RASSF3: variants seen among roughly 807,000 people sequenced by gnomAD.
The protein encoded by RASSF3 is Ras association domain family member 3.
A neutral mutation model predicts 19.9 loss-of-function variants in RASSF3; 19 were observed. That is an observed-to-expected ratio of 0.96 (90% CI 0.67 to 1.40). The LOEUF (loss-of-function observed/expected upper bound fraction) is 1.40. Among genes scored for constraint, RASSF3 ranks in the 40% most tolerant of loss-of-function variants. RASSF3 has a pLI of 0.00. For synonymous variants in RASSF3, 110 were observed against 104.2 expected (o/e 1.06, Z -0.34); for missense variants, 306 against 289.8 (o/e 1.06, Z -0.41).
At chr12:64,632,434 G>A (rs1147106) in intron 1 of RASSF3, among the ~76,000 whole-genome samples, 120,414 of 152,004 alleles carry the variant, frequency 0.79, 48,081 homozygotes, top group African/African-American at 0.86. Context: ...AGGGCAAGAG[G>A]GGTAGGGATA....
chr12:64,582,218 G>T (rs772799796), intron 2 of RASSF3, among the ~76,000 whole-genome samples: 11 of 152,140 alleles, frequency 7.2e-5, no homozygotes, highest in Non-Finnish European at 1.3e-4. Flanking sequence ...CTAACCAAAA[G>T]ATTAGGGTCT....
At chr12:64,629,146 A>G (rs1006528151) in intron 1 of RASSF3, among the ~76,000 whole-genome samples, 6 of 151,180 alleles carry the variant, frequency 4.0e-5, no homozygotes, top group African/African-American at 1.5e-4. Flanking sequence ...TCTGTCGTCC[A>G]GGCTGGAGTA....
chr12:64,680,002 C>T (rs546420588), intron 1 of RASSF3, among the ~76,000 whole-genome samples: 4 of 152,266 alleles, frequency 2.6e-5, no homozygotes, highest in South Asian at 2.1e-4. Context: ...ATTCCACGTC[C>T]GCTGCACCAT....
intron 1 of RASSF3, among the ~76,000 whole-genome samples, chr12:64,519,851 T>A (rs1868432151): frequency 6.6e-6 from 1 of 152,232 alleles, no homozygotes; most frequent in East Asian, 1.9e-4. Context: ...TGTATTTATA[T>A]ATATAAGCTC....
chr12:64,589,026 C>T (rs1869867420), intron 2 of RASSF3, among the ~76,000 whole-genome samples: 1 of 152,092 alleles, frequency 6.6e-6, no homozygotes, highest in South Asian at 2.1e-4. Flanking sequence ...TATAAGAAAA[C>T]CTGAAGGAAA....
chr12:64,628,910 C>T (rs1336653011), intron 1 of RASSF3, among the ~76,000 whole-genome samples: 2 of 151,800 alleles, frequency 1.3e-5, no homozygotes, highest in African/African-American at 4.8e-5. Flanking sequence ...ATGCCAGAGT[C>T]AGTTGTCTAA....
upstream of RASSF3, among the ~76,000 whole-genome samples, chr12:64,608,632 T>C (rs1870236343): frequency 6.6e-6 from 1 of 152,234 alleles, no homozygotes; most frequent in Admixed American, 6.5e-5. Flanking sequence ...CCTCAAAGTA[T>C]TCATAAACTT....
chr12:64,520,619 A>G lies in RASSF3; in HGVS notation c.169+13290A>G, dbSNP rs1286582321. 2.8e-5 allele frequency among the ~76,000 whole-genome samples: 4 copies of G among 145,042 alleles called. No homozygotes were observed. In the South Asian group the frequency reaches 6.6e-4, roughly 24 times the overall value. ...ATGCACATATATGTTGTAGGTTCCC[A>G]GACTGGAAACCTAGAAATATGTATT... On this transcript the variant is annotated intron_variant, in intron 1 of 5. Transcript: ENST00000637125.
intron 2 of RASSF3, among the ~76,000 whole-genome samples, chr12:64,548,623 G>C (rs1869108683): frequency 6.6e-6 from 1 of 152,168 alleles, no homozygotes; most frequent in South Asian, 2.1e-4. Context: ...TATCGGTCAA[G>C]AGTTTTAATA....
chr12:64,695,156 G>A lies in RASSF3; in HGVS notation c.*244G>A, dbSNP rs1363721544. ...CCTCTTGGCAAGCTGTGAACCTGTC[G>A]CCTCATCAGGAGCATTCGAGGGTGC... is the stretch of plus-strand genomic sequence containing the variant. On this transcript the variant is annotated 3_prime_UTR_variant, in exon 5 of 5. Transcript: ENST00000542104. The A allele has an allele frequency of 1.6e-5, 7 of 427,022 alleles. No individual in the cohort carries two copies. Among genetic ancestry groups the A allele is most frequent in the African/African-American group, 7.8e-5 (4 of 51,340 alleles). The allele number at this position is 427,022 out of a possible 1,614,324, so 26.5% of individuals were successfully genotyped here.
chr12:64,588,876 A>T (rs1869863401), intron 2 of RASSF3, among the ~76,000 whole-genome samples: 1 of 152,178 alleles, frequency 6.6e-6, no homozygotes, highest in African/African-American at 2.4e-5. Flanking sequence ...TATAATAGAA[A>T]CACATAAAGA....
intron 1 of RASSF3, among the ~76,000 whole-genome samples, chr12:64,518,989 T>C (rs879074764): frequency 1.3e-3 from 194 of 152,172 alleles, no homozygotes; most frequent in African/African-American, 4.5e-3. Flanking sequence ...TACTGGCAGG[T>C]TCATTACTTT....
intron 1 of RASSF3, among the ~76,000 whole-genome samples, chr12:64,684,492 G>C (rs185150720): frequency 8.0e-5 from 12 of 149,754 alleles, no homozygotes; most frequent in African/African-American, 3.0e-4. Flanking sequence ...GTGCAATGGC[G>C]TGATCTCAGC....
rs1244824310 is a variant in RASSF3 at position 64,589,067 on chromosome 12, T to C, written c.294+47362T>C. 2.0e-5 allele frequency among the ~76,000 whole-genome samples: 3 copies of C among 152,188 alleles called. No homozygotes were observed. In the East Asian group the frequency reaches 5.8e-4, roughly 29 times the overall value. On this transcript the variant is annotated intron_variant, in intron 2 of 5. Transcript: ENST00000637125. ...CCTTTTGAAAAATAAAACAAAGTATTCAAATAACACCAAATATGCTACATA... is the reference window on the plus strand; with the variant it reads ...CCTTTTGAAAAATAAAACAAAGTATCCAAATAACACCAAATATGCTACATA...
At chr12:64,586,323 CAAA>C (rs772277001) in intron 2 of RASSF3, among the ~76,000 whole-genome samples, 9 of 115,584 alleles carry the variant, frequency 7.8e-5, no homozygotes, top group Admixed American at 9.2e-5. Flanking sequence ...GACTCTGTGT[CAAA>C]AAAAAAAAAA....
chr12:64,529,190 T>G (rs1019333479), upstream of RASSF3, among the ~76,000 whole-genome samples: 4 of 152,230 alleles, frequency 2.6e-5, no homozygotes, highest in African/African-American at 9.6e-5. Context: ...TCTTTTCTAA[T>G]CATGTGAGTC....
chr12:64,663,840 CTTTTTTTTTTTT>C (rs34450092), intron 1 of RASSF3, among the ~76,000 whole-genome samples: 2 of 73,082 alleles, frequency 2.7e-5, no homozygotes, highest in Non-Finnish European at 5.5e-5. Context: ...TTAGCCTTGC[CTTTTTTTTTTTT>C]TTTTTTTTTT....
At chr12:64,508,870 G>C in intron 1 of RASSF3, among the ~76,000 whole-genome samples, 1 of 151,664 alleles carries the variant, frequency 6.6e-6, no homozygotes, top group Non-Finnish European at 1.5e-5. Flanking sequence ...TAGGCAACAA[G>C]AGTGAAACTC....
chr12:64,639,915 G>A (rs1871456617), intron 1 of RASSF3, among the ~76,000 whole-genome samples: 1 of 152,200 alleles, frequency 6.6e-6, no homozygotes, highest in Admixed American at 6.5e-5. Context: ...TCGTTATATT[G>A]CAGAGATCTT....
Sources: allele counts gnomAD v4.1 joint callset (sites outside exome capture counted in the v4.1 genomes callset), GRCh38; gene constraint gnomAD v4.1.1; transcripts MANE v1.5; gene names NCBI Gene and HGNC (gene_info 2026-07-23, HGNC 2026-07-21).